KPNA2: variants seen among roughly 807,000 people sequenced by gnomAD.
The protein encoded by KPNA2 is importin subunit alpha-1.
A neutral mutation model predicts 53.7 loss-of-function variants in KPNA2; 20 were observed. The observed-to-expected ratio is 0.37, with a 90% CI of 0.26 to 0.54. The LOEUF is 0.54. Ranked by LOEUF, KPNA2 falls within the 20% of genes least tolerant of loss-of-function variation. The pLI, the probability that KPNA2 is intolerant of heterozygous loss-of-function variation, is 0.83. For missense variants in KPNA2, 515 were observed against 640.3 expected, an observed-to-expected ratio of 0.80 and a Z score of 2.11; for synonymous variants, 238 against 227.5, an observed-to-expected ratio of 1.05 and a Z score of -0.42.
At position 68,043,281 on chromosome 17, in the gene KPNA2, A is replaced by G. The variant is rs2071285170; in HGVS notation, c.848A>G (p.Asn283Ser). The change falls in exon 7 of 11, where the codon AAT becomes AGT. Residue 283 changes from asparagine (N) to serine (S), a missense_variant. Coordinates refer to ENST00000330459, the MANE Select transcript of KPNA2 (RefSeq NM_002266.4). ...ATTTCCTACCTTACTGATGGTCCAA[A>G]TGAACGAATTGGCATGGTGGTGAAA... is the stretch of plus-strand genomic sequence containing the variant. Reference protein sequence around the residue: ...WAISYLTDGPNERIGMVVKTG... With the variant: ...WAISYLTDGPSERIGMVVKTG... 6.2e-7 allele frequency: 1 copy of G among 1,614,186 alleles called. No individual in the cohort carries two copies. Among genetic ancestry groups the G allele is most frequent in the Non-Finnish European group, 8.5e-7 (1 of 1,180,014 alleles).
At chr17:68,040,547 A>T in intron 3 of KPNA2, 131 bp from the exon 4 acceptor site, 1 of 613,516 alleles carries the variant, frequency 1.6e-6, no homozygotes, top group Non-Finnish European at 2.9e-6. Context: ...GCAAAATTAA[A>T]TGTAGGGCTA....
At chr17:68,039,417 A>G (rs1555704217) in intron 3 of KPNA2, among the ~76,000 whole-genome samples, 3 of 150,556 alleles carry the variant, frequency 2.0e-5, no homozygotes, top group Non-Finnish European at 4.4e-5. Context: ...CACTTCGCCC[A>G]GCCAAACATA....
chr17:68,039,842 G>A (rs2071233782), intron 3 of KPNA2, among the ~76,000 whole-genome samples: 2 of 151,200 alleles, frequency 1.3e-5, no homozygotes, highest in African/African-American at 2.4e-5. Flanking sequence ...GGAGGCTGAG[G>A]CAGGTGGATC....
At chr17:68,045,309 A>T (rs1434723492) in intron 9 of KPNA2, among the ~76,000 whole-genome samples, 1 of 152,186 alleles carries the variant, frequency 6.6e-6, no homozygotes, top group Non-Finnish European at 1.5e-5. Flanking sequence ...ACCATTCCAT[A>T]TGTCCAGTAA....
In KPNA2 at chr17:68,044,362, C is replaced by G; in HGVS notation, c.1206C>G (p.Thr402=). ...KTQKEAVWAV[T]NYTSGGTVEQ... ...AAAAGGAAGCTGTGTGGGCCGTGAC[C>G]AACTATACCAGTGGTGGAACAGTTG... Residue 402 remains threonine, a synonymous_variant, in exon 9 of 11, where the codon ACC becomes ACG. Coordinates refer to ENST00000330459, the MANE Select transcript of KPNA2 (RefSeq NM_002266.4). The G allele has an allele frequency of 3.1e-6, 5 of 1,614,020 alleles. No homozygotes were observed. The highest frequency in any genetic ancestry group is 4.2e-6 in the Non-Finnish European group (5 of 1,179,958).
At position 68,044,139 on chromosome 17, in the gene KPNA2, C is replaced by T. The variant is rs543364899; in HGVS notation, c.1164+68C>T. 14 of 1,406,810 alleles carry T rather than the reference C, an allele frequency of 1.0e-5. No homozygotes were observed. The East Asian group carries it at 3.0e-4, about 30-fold the overall frequency. The allele number at this position is 1,406,810 out of a possible 1,614,324, so 87.1% of individuals were successfully genotyped here. The stretch of plus-strand genomic sequence containing the variant: ...ATAGAAAGCTGTGCTTGATAAGCTT[C>T]TTCACGTGCAAGAATCTTGGGTTCT... On this transcript the variant is annotated intron_variant, in intron 8 of 10. Transcript: ENST00000330459.
chr17:68,046,584 C>T lies in KPNA2; in HGVS notation c.1578C>T (p.Thr526=). The part of the protein sequence containing the change: ...TFQVQDGAPG[T]FNF Reference sequence around the variant, plus strand: ...AAGTTCAGGATGGGGCTCCTGGGACCTTTAACTTTTAGATCATGTAGCTGA... The same window carrying T: ...AAGTTCAGGATGGGGCTCCTGGGACTTTTAACTTTTAGATCATGTAGCTGA... The change falls in exon 11 of 11, where the codon ACC becomes ACT. Residue 526 remains threonine (T), a synonymous_variant. Coordinates refer to ENST00000330459, the MANE Select transcript of KPNA2 (RefSeq NM_002266.4). The T allele has an allele frequency of 1.9e-6, 3 of 1,603,186 alleles. No homozygotes were observed. The highest frequency in any genetic ancestry group is 2.7e-5 in the African/African-American group (2 of 74,720).
In KPNA2 at chr17:68,043,008, C is replaced by G; in HGVS notation, c.666+9C>G. On this transcript the variant is annotated intron_variant, in intron 6 of 10. Transcript: ENST00000330459. ...ATATGTCATCTTTAGCAGTAAGTTACTAACATGAGTAAAGTTACTCACTTC... is the reference window on the plus strand; with the variant it reads ...ATATGTCATCTTTAGCAGTAAGTTAGTAACATGAGTAAAGTTACTCACTTC... 2 of 1,610,842 alleles carry G rather than the reference C, an allele frequency of 1.2e-6. No homozygotes were observed. The highest frequency in any genetic ancestry group is 1.7e-6 in the Non-Finnish European group (2 of 1,177,226).
At chr17:68,043,486 C>T (rs1380139328) in intron 7 of KPNA2, 123 bp downstream of exon 7, 8 of 928,014 alleles carry the variant, frequency 8.6e-6, no homozygotes, top group Non-Finnish European at 1.3e-5. Context: ...GGTGGATCAC[C>T]TGAGGTCAGG....
intron 3 of KPNA2, among the ~76,000 whole-genome samples, chr17:68,039,225 ACT>A (rs1211658390): frequency 3.3e-5 from 5 of 150,430 alleles, no homozygotes; most frequent in African/African-American, 1.2e-4. Context: ...GGTTCAAGTG[ACT>A]CTCCTGCCTC....
Position 68,037,118 on chromosome 17 carries a change from C to CT in KPNA2, c.-12dup. Reference sequence around the variant, plus strand: ...CTTCCCCCATCTTTTAGCTTTCTCCCTTTGTCTCATAACCATGTCCACCAA... The same window carrying CT: ...CTTCCCCCATCTTTTAGCTTTCTCCCTTTTGTCTCATAACCATGTCCACCAA... On this transcript the variant is annotated 5_prime_UTR_variant, in exon 2 of 11. Transcript: ENST00000330459. The CT allele has an allele frequency of 1.2e-6, 2 of 1,601,528 alleles. No individual in the cohort carries two copies. Among genetic ancestry groups the CT allele is most frequent in the East Asian group, 4.5e-5 (2 of 44,806 alleles).
At chr17:68,038,117 C>T (rs1342470065) in intron 3 of KPNA2, among the ~76,000 whole-genome samples, 1 of 152,208 alleles carries the variant, frequency 6.6e-6, no homozygotes, top group Non-Finnish European at 1.5e-5. Context: ...GCTGGGACTA[C>T]AGGCGCCCGC....
Position 68,046,721 on chromosome 17 carries a change from C to G in KPNA2, c.*125C>G. 1.5e-6 allele frequency: 1 copy of G among 668,926 alleles called. No homozygotes were observed. Among genetic ancestry groups the G allele is most frequent in the Admixed American group, 2.5e-5 (1 of 39,702 alleles). The allele number at this position is 668,926 out of a possible 1,614,324, so 41.4% of individuals were successfully genotyped here. A position where few individuals can be genotyped will look rare whatever the true frequency, so the allele number is the denominator to read the frequency against. ...TAGCACTTTTTACACTGAAACTATA[C>G]TTGAACAGTTCCAACTGTACATACA... On this transcript the variant is annotated 3_prime_UTR_variant, in exon 11 of 11. Transcript: ENST00000330459.
chr17:68,041,946 GAA>G (rs1360703172), intron 4 of KPNA2, 137 bp from the exon 5 acceptor site: 1 of 702,712 alleles, frequency 1.4e-6, no homozygotes, highest in African/African-American at 1.8e-5. Context: ...TTAGGTTCCA[GAA>G]TGTCTCAGCA....
intron 7 of KPNA2, 75 bp downstream of exon 7, chr17:68,043,438 A>G (rs782718479): frequency 8.4e-6 from 12 of 1,431,754 alleles, no homozygotes; most frequent in South Asian, 2.5e-5. Context: ...GTGGTGGCTC[A>G]CACCTGTGTA....
At chr17:68,042,009 A>G in intron 4 of KPNA2, 76 bp from the exon 5 acceptor site, 1 of 1,299,416 alleles carries the variant, frequency 7.7e-7, no homozygotes, top group Non-Finnish European at 1.1e-6. Flanking sequence ...CTTGAATTGC[A>G]TTTTATATTG....
At position 68,044,159 on chromosome 17, in the gene KPNA2, G is replaced by T; in HGVS notation, c.1164+88G>T. 6 of 1,309,776 alleles carry T rather than the reference G, an allele frequency of 4.6e-6. No individual in the cohort carries two copies. The Admixed American group carries it at 1.1e-4, about 23-fold the overall frequency. 81.1% of individuals were successfully genotyped at this position (1,309,776 alleles called of 1,614,324 possible). On this transcript the variant is annotated intron_variant, in intron 8 of 10. Coordinates refer to ENST00000330459, the MANE Select transcript of KPNA2 (RefSeq NM_002266.4). ...AGCTTCTTCACGTGCAAGAATCTTGGGTTCTACTAGGAGTCCTTTGCTGAA... is the reference window on the plus strand; with the variant it reads ...AGCTTCTTCACGTGCAAGAATCTTGTGTTCTACTAGGAGTCCTTTGCTGAA...
chr17:68,040,326 C>T (rs2071244413), intron 3 of KPNA2, among the ~76,000 whole-genome samples: 2 of 144,722 alleles, frequency 1.4e-5, no homozygotes, highest in African/African-American at 5.2e-5. Context: ...CTCACCTGAG[C>T]TCAAGCCATC....
At chr17:68,040,527 T>C in intron 3 of KPNA2, 151 bp from the exon 4 acceptor site, 1 of 556,190 alleles carries the variant, frequency 1.8e-6, no homozygotes, top group East Asian at 3.0e-5. Flanking sequence ...AAATAATGAA[T>C]ATTTAACAGG....
Sources: allele counts gnomAD v4.1 joint callset (sites outside exome capture counted in the v4.1 genomes callset), GRCh38; gene constraint gnomAD v4.1.1; transcripts MANE v1.5; gene names NCBI Gene and HGNC (gene_info 2026-07-23, HGNC 2026-07-21).